The following SELENON variants were observed in gnomAD, a reference collection of about 807,000 sequenced individuals.
SELENON encodes selenoprotein N, 1.
Under a neutral mutation model 59.5 loss-of-function variants are expected in SELENON, and 44 were observed. The observed-to-expected ratio is 0.74, with a 90% CI of 0.58 to 0.95. SELENON has a LOEUF of 0.95. Among genes scored for constraint, SELENON ranks in the 40% least tolerant of loss-of-function variants. The pLI is 0.00. For synonymous variants in SELENON, 320 were observed against 305.6 expected, an observed-to-expected ratio of 1.05 and a Z score of -0.49; for missense variants, 674 against 721.4, an observed-to-expected ratio of 0.93 and a Z score of 0.75.
In SELENON at chr1:25,805,183, CCT is replaced by C. The variant is rs1192828749; in HGVS notation, c.446_447del (p.Pro149ArgfsTer?). Reference sequence around the variant, plus strand: ...CAGCTGCGAGGAGGAGGAGTTGCCCCCTGACCCTAGCGAGGAGACGCTCACCA... The same window carrying C: ...CAGCTGCGAGGAGGAGGAGTTGCCCCGACCCTAGCGAGGAGACGCTCACCA... On this transcript the variant is annotated frameshift_variant, in exon 4 of 13. Transcript: ENST00000361547. LOFTEE classifies it high-confidence loss of function. 6.8e-6 allele frequency: 11 copies of C among 1,613,956 alleles called. No individual in the cohort carries two copies. Among genetic ancestry groups the C allele is most frequent in the Non-Finnish European group, 9.3e-6 (11 of 1,180,036 alleles).
chr1:25,809,645 G>A (rs2047940703), intron 6 of SELENON, 38 bp from the exon 6 acceptor site: 2 of 1,611,344 alleles, frequency 1.2e-6, no homozygotes, highest in Middle Eastern at 1.6e-4. Context: ...TGGGGAGAAG[G>A]TGGGCAGCTC....
At chr1:25,805,385 C>T (rs1401169917) in intron 4 of SELENON, 110 bp downstream of exon 3, 9 of 1,453,314 alleles carry the variant, frequency 6.2e-6, no homozygotes, top group African/African-American at 2.8e-5. Flanking sequence ...TAGAGCCAGG[C>T]CCTGGAGGTC....
In SELENON at chr1:25,813,714, G is replaced by A. The variant is rs968109770; in HGVS notation, c.1388-167G>A. The A allele has an allele frequency of 4.5e-6, 3 of 672,828 alleles. No homozygotes were observed. In the African/African-American group the frequency reaches 5.3e-5, roughly 12 times the overall value. The allele number at this position is 672,828 out of a possible 1,614,324, so 41.7% of individuals were successfully genotyped here. Reference sequence around the variant, plus strand: ...CCCAGGATGCTGGTATATTATTGATGTTAATTCCAACTATCATTTATTCAG... The same window carrying A: ...CCCAGGATGCTGGTATATTATTGATATTAATTCCAACTATCATTTATTCAG... On this transcript the variant is annotated intron_variant, in intron 10 of 12. Coordinates refer to ENST00000361547, the MANE Select transcript of SELENON (RefSeq NM_020451.3).
At chr1:25,805,071 G>A (rs1419035711) in intron 3 of SELENON, 71 bp from the exon 3 acceptor site, 16 of 1,600,430 alleles carry the variant, frequency 1.0e-5, no homozygotes, top group Non-Finnish European at 1.3e-5. Context: ...TCACCAGCTA[G>A]TGTGGATGAT....
In SELENON at chr1:25,808,622, G is replaced by A. The variant is rs560203077; in HGVS notation, c.580G>A (p.Ala194Thr). ...GTCCGGCCTCCGAAACTGGACAGCCGCCGCCTCACCAAGTGCAGTGTTTGC... is the reference window on the plus strand; with the variant it reads ...GTCCGGCCTCCGAAACTGGACAGCCACCGCCTCACCAAGTGCAGTGTTTGC... Residue 194 changes from alanine to threonine, a missense_variant, in exon 5 of 13, where the codon GCC becomes ACC. Coordinates refer to ENST00000361547, the MANE Select transcript of SELENON (RefSeq NM_020451.3). 1.3e-5 allele frequency: 21 copies of A among 1,613,640 alleles called. No homozygotes were observed. The highest frequency in any genetic ancestry group is 4.4e-5 in the South Asian group (4 of 91,070).
chr1:25,800,347 C>CGCCGCCGCT lies in SELENON; in HGVS notation c.126_134dup (p.Ala43_Ala45dup), dbSNP rs1161050482. ...TGGCGCTGCTCGGAGCCCTGCTGGC[C>CGCCGCCGCT]GCCGCCGCTGCCGCCGCCGTCCGGG... On this transcript the variant is annotated inframe_insertion, in exon 1 of 13. Transcript: ENST00000361547. The CGCCGCCGCT allele has an allele frequency of 2.5e-5, 26 of 1,030,376 alleles. No homozygotes were observed. Among genetic ancestry groups the CGCCGCCGCT allele is most frequent in the Non-Finnish European group, 2.7e-5 (23 of 860,944 alleles). 63.8% of individuals were successfully genotyped at this position (1,030,376 alleles called of 1,614,324 possible).
rs970866281 is a variant in SELENON, at chr1:25,815,908, C to T, written c.*190C>T. The T allele has an allele frequency of 1.3e-5, 8 of 606,434 alleles. No homozygotes were observed. The highest frequency in any genetic ancestry group is 4.4e-4 in the Middle Eastern group (1 of 2,256). 37.6% of individuals were successfully genotyped at this position (606,434 alleles called of 1,614,324 possible). A position where few individuals can be genotyped will look rare whatever the true frequency, so the allele number is the denominator to read the frequency against. On this transcript the variant is annotated 3_prime_UTR_variant, in exon 13 of 13. Coordinates refer to ENST00000361547, the MANE Select transcript of SELENON (RefSeq NM_020451.3). ...GGCGGGTAGACAAGGGATGCCTGGG[C>T]TGACTGGGCAGAGGAACCTCTAGCT...
Position 25,815,976 on chromosome 1 carries a change from C to G in SELENON, c.*258C>G. On this transcript the variant is annotated 3_prime_UTR_variant, in exon 13 of 13. Transcript: ENST00000361547. ...CTCCCTACCCATTTGGCTCTGGAAG[C>G]TGCTTGGCCCCCCCAGATCAGGGCC... 1 of 511,778 alleles carries G rather than the reference C, an allele frequency of 2.0e-6. No homozygotes were observed. The highest frequency in any genetic ancestry group is 3.6e-6 in the Non-Finnish European group (1 of 280,704). The allele number at this position is 511,778 out of a possible 1,614,324, so 31.7% of individuals were successfully genotyped here. A position where few individuals can be genotyped will look rare whatever the true frequency, so the allele number is the denominator to read the frequency against.
At chr1:25,802,771 G>A (rs768032852) in intron 3 of SELENON, among the ~76,000 whole-genome samples, 1 of 152,146 alleles carries the variant, frequency 6.6e-6, no homozygotes, top group Non-Finnish European at 1.5e-5. Context: ...CGCTTCTCTC[G>A]CTGCCCCACC....
rs997847745 is a variant in SELENON, at chr1:25,817,637, G to C, written c.*1919G>C. The C allele has an allele frequency of 1.3e-5, 2 of 152,230 alleles. No individual in the cohort carries two copies. The highest frequency in any genetic ancestry group is 4.8e-5 in the African/African-American group (2 of 41,446). The allele number at this position is 152,230 out of a possible 1,614,324, so 9.4% of individuals were successfully genotyped here. On this transcript the variant is annotated 3_prime_UTR_variant, in exon 13 of 13. Transcript: ENST00000361547. ...CCATCTTGATGAAACTTGAGTCTCA[G>C]GGAAGTGAAGTGACTTGCCCAGGGT...
chr1:25,803,934 C>T (rs887374442), intron 3 of SELENON, among the ~76,000 whole-genome samples: 3 of 152,078 alleles, frequency 2.0e-5, no homozygotes, highest in Admixed American at 6.6e-5. Context: ...AACTCCTAAC[C>T]TCAGGTGATC....
intron 2 of SELENON, chr1:25,801,930 A>G (rs2047864019): frequency 9.3e-6 from 2 of 215,904 alleles, no homozygotes; most frequent in African/African-American, 2.4e-5. Context: ...CACAGGTTTC[A>G]GTAGAGAAAA....
chr1:25,804,628 G>A (rs1170332521), intron 3 of SELENON, among the ~76,000 whole-genome samples: 3 of 141,436 alleles, frequency 2.1e-5, no homozygotes, highest in East Asian at 2.3e-4. Context: ...CCTACAGCTG[G>A]GGCAATGCCC....
In SELENON at chr1:25,808,680, C is replaced by T. The variant is rs759388118; in HGVS notation, c.638C>T (p.Pro213Leu). ...CACTTCCAGCCCTTCCTTCCCCCGCCAGGCCAGGAGCTGGGTGAGCCCTGG... is the reference window on the plus strand; with the variant it reads ...CACTTCCAGCCCTTCCTTCCCCCGCTAGGCCAGGAGCTGGGTGAGCCCTGG... The change falls in exon 5 of 13, where the codon CCA (proline) becomes CTA (leucine). Residue 213 changes from proline to leucine, a missense_variant. Coordinates refer to ENST00000361547, the MANE Select transcript of SELENON (RefSeq NM_020451.3). 1.2e-6 allele frequency: 2 copies of T among 1,614,152 alleles called. No individual in the cohort carries two copies. Among genetic ancestry groups the T allele is most frequent in the South Asian group, 1.1e-5 (1 of 91,090 alleles).
At position 25,811,830 on chromosome 1, in the gene SELENON, GGGA is replaced by G; in HGVS notation, c.1238_1240del (p.Glu413del). The G allele has an allele frequency of 6.3e-7, 1 of 1,584,312 alleles. No individual in the cohort carries two copies. Among genetic ancestry groups the G allele is most frequent in the Non-Finnish European group, 8.6e-7 (1 of 1,165,360 alleles). ...ATCAAGTGGCAGCAGGAGCTGAGCT[GGGA>G]GGAGGCTGCCCGGCGCCTGGAGGTG... On this transcript the variant is annotated inframe_deletion, in exon 9 of 13. Coordinates refer to ENST00000361547, the MANE Select transcript of SELENON (RefSeq NM_020451.3).
At chr1:25,810,627 G>A (rs755335722) in intron 7 of SELENON, among the ~76,000 whole-genome samples, 3 of 152,206 alleles carry the variant, frequency 2.0e-5, no homozygotes, top group Non-Finnish European at 4.4e-5. Flanking sequence ...CTGACTCCTG[G>A]CCTACTTCAC....
At chr1:25,811,621 T>G (rs1432797169) in intron 8 of SELENON, 70 bp from the exon 8 acceptor site, 3 of 1,595,496 alleles carry the variant, frequency 1.9e-6, no homozygotes, top group Non-Finnish European at 2.6e-6. Flanking sequence ...TTTTGGAGGG[T>G]CTCTAGGGGA....
rs1349523499 is a variant in SELENON, at chr1:25,815,709, C to T, written c.1764C>T (p.Leu588=). ...GACTCCGGCGTGGCCTGCCCCTCCT[C>T]CAGCCCTAGAGTGCCTGGACGGGAT... Residue 588 remains leucine, a synonymous_variant, in exon 13 of 13, where the codon CTC becomes CTT. Transcript: ENST00000361547. 8 of 1,614,034 alleles carry T rather than the reference C, an allele frequency of 5.0e-6. No homozygotes were observed. The South Asian group carries it at 5.5e-5, about 11-fold the overall frequency.
rs1557428037 is a variant in SELENON at position 25,805,161 on chromosome 1, C to T, written c.423C>T (p.Ser141=). The change falls in exon 4 of 13, where the codon AGC becomes AGT. Residue 141 remains serine (S), a synonymous_variant. Transcript: ENST00000361547. ...TCATAGGGTCAACTCCCGCGGCCAG[C>T]TGCGAGGAGGAGGAGTTGCCCCCTG... is the stretch of plus-strand genomic sequence containing the variant. 1 of 1,613,772 alleles carries T rather than the reference C, an allele frequency of 6.2e-7. No homozygotes were observed. The highest frequency in any genetic ancestry group is 8.5e-7 in the Non-Finnish European group (1 of 1,180,022).
Sources: allele counts gnomAD v4.1 joint callset (sites outside exome capture counted in the v4.1 genomes callset), GRCh38; gene constraint gnomAD v4.1.1; transcripts MANE v1.5; gene names NCBI Gene and HGNC (gene_info 2026-07-23, HGNC 2026-07-21).